The following TTYH2 variants were observed in gnomAD, a reference collection of about 807,000 sequenced individuals.
The protein encoded by TTYH2 is tweety family member 2.
In TTYH2, 49 loss-of-function variants were observed where a neutral mutation model predicts 68.3. The observed-to-expected ratio is 0.72, with a 90% CI of 0.57 to 0.91. The LOEUF is 0.91. Among genes scored for constraint, TTYH2 ranks in the 40% least tolerant of loss-of-function variants. The pLI, the probability that TTYH2 is intolerant of heterozygous loss-of-function variation, is 0.00. For missense variants in TTYH2, 631 were observed against 700.4 expected, an observed-to-expected ratio of 0.90 and a Z score of 1.12; for synonymous variants, 272 against 300.8, an observed-to-expected ratio of 0.90 and a Z score of 0.99.
intron 2 of TTYH2, among the ~76,000 whole-genome samples, chr17:74,228,720 C>T (rs1196805782): frequency 6.6e-6 from 1 of 151,946 alleles, no homozygotes; most frequent in African/African-American, 2.4e-5. Context: ...GGAACCAGGG[C>T]GGGTGCAAGT....
chr17:74,243,309 T>A, intron 4 of TTYH2, 65 bp from the exon 5 acceptor site: 1 of 1,359,114 alleles, frequency 7.4e-7, no homozygotes, highest in Non-Finnish European at 1.1e-6. Context: ...TGCAGGCCTC[T>A]CACGTGGCCA....
chr17:74,221,959 G>A (rs1015838546), intron 1 of TTYH2, among the ~76,000 whole-genome samples: 1 of 152,172 alleles, frequency 6.6e-6, no homozygotes, highest in Admixed American at 6.5e-5. Flanking sequence ...CTGGGACAGC[G>A]GGGTCCTTGC....
chr17:74,218,428 T>A (rs2050242265), intron 1 of TTYH2, among the ~76,000 whole-genome samples: 1 of 151,612 alleles, frequency 6.6e-6, no homozygotes, highest in South Asian at 2.1e-4. Context: ...ATCCCAGCAG[T>A]TTGGGAGGCC....
intron 13 of TTYH2, among the ~76,000 whole-genome samples, chr17:74,257,467 G>A (rs763025172): frequency 2.3e-4 from 35 of 152,250 alleles, no homozygotes; most frequent in African/African-American, 7.2e-4. Context: ...AGCTGGCTGC[G>A]CCCCACCCTC....
At position 74,222,035 on chromosome 17, in the gene TTYH2, G is replaced by A. The variant is rs2050280530; in HGVS notation, c.130-450G>A. Among the ~76,000 whole-genome samples, 1 of 152,136 alleles carries A rather than the reference G, an allele frequency of 6.6e-6. No homozygotes were observed. Among genetic ancestry groups the A allele is most frequent in the Non-Finnish European group, 1.5e-5 (1 of 68,002 alleles). ...CCTGCCTCAGTGGCACTCAGCGCCCGAGGCCTCTGGGTACTCTGGTCTTGG... is the reference window on the plus strand; with the variant it reads ...CCTGCCTCAGTGGCACTCAGCGCCCAAGGCCTCTGGGTACTCTGGTCTTGG... On this transcript the variant is annotated intron_variant, in intron 1 of 13. Transcript: ENST00000269346. This position sits in a 1 kb window ranked among gnomAD's most constrained non-coding sequence, Gnocchi z 5.2.
rs75008674 is a variant in TTYH2 at position 74,260,222 on chromosome 17, G to T, written c.*13G>T. 1,938 of 1,613,332 alleles carry T rather than the reference G, an allele frequency of 1.2e-3. 15 individuals carry two copies. In the East Asian group the frequency reaches 0.021, roughly 17 times the overall value. ...GTTTCCAGCCTAACAGACTTTCGGG[G>T]GTTCCTGCCTCCTTTTTCCGTTCTG... On this transcript the variant is annotated 3_prime_UTR_variant, in exon 14 of 14. Transcript: ENST00000269346.
chr17:74,252,217 CCCT>C lies in TTYH2; in HGVS notation c.1117-12_1117-10del, dbSNP rs777110206. 3.7e-6 allele frequency: 6 copies of C among 1,611,344 alleles called. No individual in the cohort carries two copies. Among genetic ancestry groups the C allele is most frequent in the Non-Finnish European group, 5.1e-6 (6 of 1,179,940 alleles). ...CCCCGCTCCTTCACTAGCTGCATGT[CCCT>C]CCTCTTCCTCCAGGATTATCTGGAC... is the stretch of plus-strand genomic sequence containing the variant. On this transcript the variant is annotated splice_polypyrimidine_tract_variant and intron_variant, in intron 10 of 13. Coordinates refer to ENST00000269346, the MANE Select transcript of TTYH2 (RefSeq NM_032646.6).
At chr17:74,233,078 G>A (rs1382539307) in intron 3 of TTYH2, among the ~76,000 whole-genome samples, 3 of 152,208 alleles carry the variant, frequency 2.0e-5, no homozygotes, top group Non-Finnish European at 1.5e-5. Context: ...CGTCCTCTCC[G>A]TTGTTACCGA....
In TTYH2 at chr17:74,244,013, T is replaced by C. The variant is rs751189320; in HGVS notation, c.768T>C (p.Ser256=). 1.5e-5 allele frequency: 24 copies of C among 1,612,266 alleles called. 1 individual carries two copies. In the East Asian group the frequency reaches 3.3e-4, roughly 22 times the overall value. ...LCCGALSLLL[S]WASLAADGSA... is the part of the protein sequence containing the mutation. ...GTGGGGCACTGAGCCTGCTCCTCAGTTGGGCATCCCTGGCCGCTGATGGCT... is the reference window on the plus strand; with the variant it reads ...GTGGGGCACTGAGCCTGCTCCTCAGCTGGGCATCCCTGGCCGCTGATGGCT... The change falls in exon 6 of 14, where the codon AGT becomes AGC. Residue 256 remains serine, a synonymous_variant. Coordinates refer to ENST00000269346, the MANE Select transcript of TTYH2 (RefSeq NM_032646.6).
At chr17:74,245,901 C>T (rs906384095) in intron 6 of TTYH2, among the ~76,000 whole-genome samples, 34 of 152,268 alleles carry the variant, frequency 2.2e-4, no homozygotes, top group African/African-American at 7.2e-4. Context: ...CCCCCGACCC[C>T]TACCCCTCCC....
At position 74,241,262 on chromosome 17, in the gene TTYH2, C is replaced by CGTGTGTGTGTGT. The variant is rs199960092; in HGVS notation, c.636-2088_636-2077dup. On this transcript the variant is annotated intron_variant, in intron 4 of 13. Transcript: ENST00000269346. The surrounding 1 kb of genome is among the most constrained non-coding windows in gnomAD (Gnocchi z 4.1). Reference sequence around the variant, plus strand: ...ATAGACAGACCCGGTATTTATAATACGTGTGTGTGTGTGTGTGTGTGTGTG... The same window carrying CGTGTGTGTGTGT: ...ATAGACAGACCCGGTATTTATAATACGTGTGTGTGTGTGTGTGTGTGTGTGTGTGTGTGTGTG... Among the ~76,000 whole-genome samples, 47 of 144,792 alleles carry CGTGTGTGTGTGT rather than the reference C, an allele frequency of 3.2e-4. No homozygotes were observed. Among genetic ancestry groups the CGTGTGTGTGTGT allele is most frequent in the African/African-American group, 8.2e-4 (32 of 39,008 alleles). 95.0% of individuals were successfully genotyped at this position (144,792 alleles called of 152,430 possible). A position where few individuals can be genotyped will look rare whatever the true frequency, so the allele number is the denominator to read the frequency against.
chr17:74,243,637 C>T (rs1339367420), intron 5 of TTYH2, among the ~76,000 whole-genome samples, 168 bp downstream of exon 5: 1 of 152,240 alleles, frequency 6.6e-6, no homozygotes, highest in Non-Finnish European at 1.5e-5. Context: ...ACAGCAGCCA[C>T]CAACTCACCA....
At chr17:74,250,969 G>A (rs150965524) in intron 10 of TTYH2, among the ~76,000 whole-genome samples, 107 of 152,258 alleles carry the variant, frequency 7.0e-4, no homozygotes, top group African/African-American at 2.2e-3. Context: ...TGAACCACAC[G>A]TTATTTCCTA....
intron 13 of TTYH2, among the ~76,000 whole-genome samples, chr17:74,257,775 G>A (rs889594695): frequency 6.6e-6 from 1 of 152,200 alleles, no homozygotes; most frequent in African/African-American, 2.4e-5. Context: ...CAGACTTACA[G>A]AAACAGAATA....
intron 6 of TTYH2, among the ~76,000 whole-genome samples, chr17:74,245,849 A>G (rs998274162): frequency 1.3e-5 from 2 of 152,042 alleles, no homozygotes; most frequent in Admixed American, 6.5e-5. Flanking sequence ...GCCTGTTTTG[A>G]CAGCCATGGG....
chr17:74,249,886 GCTC>G (rs1437152545), intron 8 of TTYH2, 47 bp from the exon 9 acceptor site: 1 of 1,462,354 alleles, frequency 6.8e-7, no homozygotes. Context: ...TCACTGTGGG[GCTC>G]CTGGGAGACG....
intron 6 of TTYH2, among the ~76,000 whole-genome samples, chr17:74,247,336 G>A (rs1011654386): frequency 6.6e-5 from 10 of 152,056 alleles, no homozygotes; most frequent in African/African-American, 1.5e-4. Flanking sequence ...GGACCATTTC[G>A]ACATGCACAC....
intron 3 of TTYH2, among the ~76,000 whole-genome samples, chr17:74,234,390 C>T (rs138842407): frequency 1.3e-5 from 2 of 152,328 alleles, no homozygotes; most frequent in East Asian, 3.9e-4. Context: ...CTGGGTCATC[C>T]CACCTGTCCC....
chr17:74,223,850 G>A (rs1024052249), intron 2 of TTYH2, among the ~76,000 whole-genome samples: 1 of 152,288 alleles, frequency 6.6e-6, no homozygotes, highest in African/African-American at 2.4e-5. Flanking sequence ...GCCACTGCGA[G>A]TTTCTTCTCT....
Sources: gnomAD v4.1 joint callset for allele counts (sites outside exome capture counted in the v4.1 genomes callset) on GRCh38, gnomAD v4.1.1 for gene constraint, Gnocchi (gnomAD v3.1) non-coding constraint, MANE v1.5 for transcripts, NCBI Gene and HGNC (gene_info 2026-07-23, HGNC 2026-07-21) for gene names.